SPOCK3: variants seen among roughly 807,000 people sequenced by gnomAD.
SPOCK3 encodes the protein SPARC (osteonectin), cwcv and kazal like domains proteoglycan 3, also known as testican-3.
SPOCK3 carries 30 observed loss-of-function variants against 56.6 expected under a neutral mutation model. That is an observed-to-expected ratio of 0.53 (90% CI 0.40 to 0.72). SPOCK3 has a LOEUF of 0.72. Ranked by LOEUF, SPOCK3 falls within the 30% of genes least tolerant of loss-of-function variation. The pLI is 0.00. For synonymous variants in SPOCK3, 196 were observed against 183.3 expected, an observed-to-expected ratio of 1.07 and a Z score of -0.56; for missense variants, 527 against 530.0, an observed-to-expected ratio of 0.99 and a Z score of 0.06.
intron 5 of SPOCK3, among the ~76,000 whole-genome samples, chr4:166,911,890 A>G (rs1305807627): frequency 1.3e-5 from 2 of 152,160 alleles, no homozygotes; most frequent in Admixed American, 1.3e-4. Context: ...AATATGCTAC[A>G]CTACCTTTCT....
At chr4:167,181,539 T>C (rs955107592) in intron 2 of SPOCK3, among the ~76,000 whole-genome samples, 1 of 152,210 alleles carries the variant, frequency 6.6e-6, no homozygotes, top group African/African-American at 2.4e-5. Context: ...GCCTAAAAAG[T>C]TGTTTTATGA....
At chr4:166,881,652 G>C (rs17645671) in intron 6 of SPOCK3, among the ~76,000 whole-genome samples, 40,508 of 151,720 alleles carry the variant, frequency 0.27, 6,347 homozygotes, top group East Asian at 0.66. Context: ...CCTTAACTTT[G>C]CTTTCCTTTC....
Position 166,933,019 on chromosome 4 carries a change from A to G in SPOCK3, c.351-20276T>C, listed in dbSNP as rs192764348. 1.9e-3 allele frequency among the ~76,000 whole-genome samples: 287 copies of G among 152,294 alleles called. 1 individual carries two copies. The highest frequency in any genetic ancestry group is 6.5e-3 in the African/African-American group (270 of 41,572). On this transcript the variant is annotated intron_variant, in intron 4 of 10. Transcript: ENST00000357545. ...AAAAGCAGTGACAAATCCATGCATT[A>G]ATAAATTTGCTCAGAAGGTATTTTG...
At position 167,023,208 on chromosome 4, in the gene SPOCK3, T is replaced by G. The variant is rs532764612; in HGVS notation, c.236-22745A>C. On this transcript the variant is annotated intron_variant, in intron 3 of 10. Coordinates refer to ENST00000357545, the MANE Select transcript of SPOCK3 (RefSeq NM_001040159.2). ...TTGCTGAGGTCCCGATATGGCACAA[T>G]TCTTCAGGGGGACCATTTTGCATCT... Among the ~76,000 whole-genome samples, 269 of 152,026 alleles carry G rather than the reference T, an allele frequency of 1.8e-3. 1 individual carries two copies. Among genetic ancestry groups the G allele is most frequent in the African/African-American group, 6.0e-3 (249 of 41,496 alleles).
intron 3 of SPOCK3, among the ~76,000 whole-genome samples, chr4:167,058,670 C>A (rs1046111161): frequency 2.0e-5 from 3 of 151,960 alleles, no homozygotes; most frequent in Non-Finnish European, 4.4e-5. Flanking sequence ...CATATGGAAC[C>A]AAAAAAGAGC....
At chr4:166,936,248 T>C (rs1434390741) in intron 4 of SPOCK3, among the ~76,000 whole-genome samples, 2 of 152,150 alleles carry the variant, frequency 1.3e-5, no homozygotes, top group Non-Finnish European at 2.9e-5. Context: ...TTTACATATG[T>C]ATTCATAAGC....
At chr4:167,161,553 G>A (rs2150441257) in intron 2 of SPOCK3, among the ~76,000 whole-genome samples, 1 of 152,240 alleles carries the variant, frequency 6.6e-6, no homozygotes, top group East Asian at 1.9e-4. Context: ...TATACCCAAA[G>A]GATTATAAAC....
At position 166,840,871 on chromosome 4, in the gene SPOCK3, C is replaced by T. The variant is rs565795250; in HGVS notation, c.589+48259G>A. ...TCGGGTCACTGCAAGGTCCGCCTCC[C>T]GGGTTCATGCCATTCTCCTACCTCA... is the stretch of plus-strand genomic sequence containing the variant. On this transcript the variant is annotated intron_variant, in intron 6 of 10. Transcript: ENST00000357545. Among the ~76,000 whole-genome samples the T allele has an allele frequency of 4.0e-3, 598 of 149,994 alleles. 4 individuals are homozygous for T. The highest frequency in any genetic ancestry group is 0.013 in the African/African-American group (545 of 40,792).
rs115146495 is a variant in SPOCK3 at position 166,840,504 on chromosome 4, C to T, written c.590-48215G>A. 9.0e-3 allele frequency among the ~76,000 whole-genome samples: 1,365 copies of T among 152,248 alleles called. 23 individuals carry two copies. Among genetic ancestry groups the T allele is most frequent in the African/African-American group, 0.031 (1,301 of 41,542 alleles). Reference sequence around the variant, plus strand: ...ACTTTTCTGTTTGTTTATCTGTGCTCATCATATCTGATGTTTCTGGGCTTT... The same window carrying T: ...ACTTTTCTGTTTGTTTATCTGTGCTTATCATATCTGATGTTTCTGGGCTTT... On this transcript the variant is annotated intron_variant, in intron 6 of 10. Coordinates refer to ENST00000357545, the MANE Select transcript of SPOCK3 (RefSeq NM_001040159.2).
chr4:166,975,625 C>A (rs924392654), intron 4 of SPOCK3, among the ~76,000 whole-genome samples: 2 of 151,942 alleles, frequency 1.3e-5, no homozygotes, highest in Non-Finnish European at 2.9e-5. Flanking sequence ...ATTTTTTGTA[C>A]CCATTAACCA....
chr4:166,961,842 C>T (rs972816204), intron 4 of SPOCK3, among the ~76,000 whole-genome samples: 3 of 152,116 alleles, frequency 2.0e-5, no homozygotes, highest in African/African-American at 7.2e-5. Flanking sequence ...CCTCACTTAC[C>T]AGCTGCTCTA....
At chr4:166,909,828 C>G (rs1737058675) in intron 5 of SPOCK3, among the ~76,000 whole-genome samples, 1 of 152,104 alleles carries the variant, frequency 6.6e-6, no homozygotes, top group African/African-American at 2.4e-5. Context: ...GATCCAAGAG[C>G]CAGAAGAAAG....
intron 3 of SPOCK3, among the ~76,000 whole-genome samples, chr4:167,046,833 T>C (rs754019760): frequency 4.6e-5 from 7 of 152,088 alleles, no homozygotes; most frequent in Non-Finnish European, 8.8e-5. Flanking sequence ...AAATAAACAA[T>C]AGTGTTAAGA....
chr4:166,952,071 G>A (rs1213412489), intron 4 of SPOCK3, among the ~76,000 whole-genome samples: 35 of 152,104 alleles, frequency 2.3e-4, no homozygotes, highest in Admixed American at 2.2e-3. Flanking sequence ...TAGTGTTGGA[G>A]ATTCTGGCCA....
chr4:166,965,290 A>G (rs913443002), intron 4 of SPOCK3, among the ~76,000 whole-genome samples: 2 of 151,168 alleles, frequency 1.3e-5, no homozygotes, highest in South Asian at 4.2e-4. Flanking sequence ...TCATGGCTGT[A>G]TTTATCTTTC....
chr4:167,006,284 T>C (rs1418297608), intron 3 of SPOCK3, among the ~76,000 whole-genome samples: 1 of 152,158 alleles, frequency 6.6e-6, no homozygotes. Context: ...ACCTGAATAA[T>C]TTGCCACTGA....
At chr4:166,966,574 C>A (rs1278513411) in intron 4 of SPOCK3, among the ~76,000 whole-genome samples, 1 of 152,078 alleles carries the variant, frequency 6.6e-6, no homozygotes, top group Non-Finnish European at 1.5e-5. Context: ...CAAGGACATT[C>A]TGAAGTGAAA....
chr4:166,864,335 A>G (rs1277017471), intron 6 of SPOCK3, among the ~76,000 whole-genome samples: 1 of 152,198 alleles, frequency 6.6e-6, no homozygotes, highest in African/African-American at 2.4e-5. Flanking sequence ...GGCTGGAAAG[A>G]TCTGAAATTG....
chr4:167,135,233 G>C (rs1461134510), intron 2 of SPOCK3, among the ~76,000 whole-genome samples: 1 of 151,870 alleles, frequency 6.6e-6, no homozygotes, highest in Non-Finnish European at 1.5e-5. Context: ...TTCAAAGTCT[G>C]AAAATGCATA....
Sources: allele counts gnomAD v4.1 joint callset (sites outside exome capture counted in the v4.1 genomes callset), GRCh38; gene constraint gnomAD v4.1.1; transcripts MANE v1.5; gene names NCBI Gene and HGNC (gene_info 2026-07-23, HGNC 2026-07-21).